Variants in GBP5 observed in about 807,000 individuals in gnomAD.
The protein encoded by GBP5 is guanylate binding protein 5, also known as guanylate-binding protein 5.
In GBP5, 48 loss-of-function variants were observed where a neutral mutation model predicts 58.2. The ratio of observed to expected loss-of-function variants is 0.83; its 90% CI spans 0.65 to 1.05. The LOEUF (loss-of-function observed/expected upper bound fraction) is 1.05. Ranked by LOEUF, GBP5 falls within the 50% of genes least tolerant of loss-of-function variation. GBP5 has a pLI of 0.00. For synonymous variants in GBP5, 248 were observed against 251.8 expected (o/e 0.98, Z 0.14); for missense variants, 714 against 686.8 (o/e 1.04, Z -0.44).
intron 7 of GBP5, among the ~76,000 whole-genome samples, chr1:89,265,176 A>C (rs902933037): frequency 2.6e-5 from 4 of 152,330 alleles, no homozygotes; most frequent in African/African-American, 9.6e-5. Context: ...AACTGTGTTC[A>C]AATAAGAAAA....
chr1:89,272,437 T>C lies in GBP5; in HGVS notation c.-128+15A>G, dbSNP rs1650495032. 1 of 164,938 alleles carries C rather than the reference T, an allele frequency of 6.1e-6. No individual in the cohort carries two copies. The highest frequency in any genetic ancestry group is 1.3e-5 in the Non-Finnish European group (1 of 78,436). The allele number at this position is 164,938 out of a possible 1,614,324, so 10.2% of individuals were successfully genotyped here. On this transcript the variant is annotated intron_variant, in intron 1 of 11. Transcript: ENST00000370459. The stretch of plus-strand genomic sequence containing the variant: ...GAATCTTGCAAATCTCTTCCACCTC[T>C]TGCCCCAGTCTTACCGTGTCCGGAA...
In GBP5 at chr1:89,264,749, G is replaced by A; in HGVS notation, c.1086C>T (p.Ala362=). 2 of 1,614,156 alleles carry A rather than the reference G, an allele frequency of 1.2e-6. No homozygotes were observed. Among genetic ancestry groups the A allele is most frequent in the Non-Finnish European group, 8.5e-7 (1 of 1,180,020 alleles). ...LDLHRTSERE[A]IEVFMKNSFK... ...AAGAGTTTTTCATGAAGACTTCAAT[G>A]GCCTCCCTCTCACTGGTCCTGTGCA... The change falls in exon 8 of 12, where the codon GCC becomes GCT. Residue 362 remains alanine (A), a synonymous_variant. Coordinates refer to ENST00000370459, the MANE Select transcript of GBP5 (RefSeq NM_052942.5).
At chr1:89,261,170 CAA>C (rs2100715408) in intron 11 of GBP5, among the ~76,000 whole-genome samples, 1 of 152,280 alleles carries the variant, frequency 6.6e-6, no homozygotes, top group South Asian at 2.1e-4. Flanking sequence ...GAGGCTGATA[CAA>C]AAACAGTGTA....
rs1333775615 is a variant in GBP5 at position 89,272,860 on chromosome 1, T to G, written c.-536A>C. The G allele has an allele frequency of 2.0e-5, 3 of 152,564 alleles. No individual in the cohort carries two copies. Among genetic ancestry groups the G allele is most frequent in the African/African-American group, 7.2e-5 (3 of 41,460 alleles). 9.5% of individuals were successfully genotyped at this position (152,564 alleles called of 1,614,324 possible). Reference sequence around the variant, plus strand: ...TCCACAGCCTGGAGGGTGACCTCAGTGGGTTGCCACTGCTGGCTACTTCTC... The same window carrying G: ...TCCACAGCCTGGAGGGTGACCTCAGGGGGTTGCCACTGCTGGCTACTTCTC... On this transcript the variant is annotated 5_prime_UTR_variant, in exon 1 of 12. Coordinates refer to ENST00000370459, the MANE Select transcript of GBP5 (RefSeq NM_052942.5).
chr1:89,263,477 A>G (rs1650088346), intron 9 of GBP5: 4 of 365,236 alleles, frequency 1.1e-5, no homozygotes, highest in Non-Finnish European at 1.5e-5. Flanking sequence ...ATGAATGTTG[A>G]TGGTCACAAA....
At position 89,263,742 on chromosome 1, in the gene GBP5, T is replaced by C; in HGVS notation, c.1356A>G (p.Gly452=). ...TAGGTAGAACTAGGGATACCTGTAT[T>C]CCTTTCCGAGGCTCCCGATAGTACT... ...KAKYYREPRK[G]IQAEEVLQKY... The change falls in exon 9 of 12, where the codon GGA becomes GGG. Residue 452 remains glycine (G), a synonymous_variant. Coordinates refer to ENST00000370459, the MANE Select transcript of GBP5 (RefSeq NM_052942.5). 2.5e-6 allele frequency: 4 copies of C among 1,608,108 alleles called. No individual in the cohort carries two copies. The highest frequency in any genetic ancestry group is 3.4e-6 in the Non-Finnish European group (4 of 1,174,740).
At chr1:89,264,245 C>T (rs1316266773) in intron 8 of GBP5, among the ~76,000 whole-genome samples, 1 of 152,138 alleles carries the variant, frequency 6.6e-6, no homozygotes, top group Non-Finnish European at 1.5e-5. Flanking sequence ...TACAACATTC[C>T]TTCCAGTATT....
At position 89,266,557 on chromosome 1, in the gene GBP5, C is replaced by A. The variant is rs2100594356; in HGVS notation, c.657G>T (p.Leu219Phe). 1.9e-6 allele frequency: 3 copies of A among 1,612,826 alleles called. No homozygotes were observed. Among genetic ancestry groups the A allele is most frequent in the East Asian group, 4.5e-5 (2 of 44,846 alleles). ...GSDQRVQNFN[L>F]PRLCIQKFFP... is the part of the protein sequence containing the mutation. Reference sequence around the variant, plus strand: ...AGAACTTCTGTATACACAGACGGGGCAAATTGAAATTTTGAACTCTTTGAT... The same window carrying A: ...AGAACTTCTGTATACACAGACGGGGAAAATTGAAATTTTGAACTCTTTGAT... The change falls in exon 7 of 12, where the codon TTG (leucine) becomes TTT (phenylalanine). Residue 219 changes from leucine to phenylalanine, a missense_variant. Transcript: ENST00000370459.
rs1201264136 is a variant in GBP5, at chr1:89,266,408, G to A, written c.806C>T (p.Ser269Phe). 1.9e-6 allele frequency: 3 copies of A among 1,613,782 alleles called. No individual in the cohort carries two copies. The highest frequency in any genetic ancestry group is 2.5e-6 in the Non-Finnish European group (3 of 1,179,686). Residue 269 changes from serine (S) to phenylalanine (F), a missense_variant, in exon 7 of 12, where the codon TCC (serine) becomes TTC (phenylalanine). Physicochemically the swap from Ser to Phe is radical, Grantham distance 155 (BLOSUM62 -2). Transcript: ENST00000370459. ...EFVQQVTEFC[S>F]YIFSHSMTKT... ...GGTCATAGAATGGCTAAAGATGTAG[G>A]AACAGAATTCTGTCACTTGTTGCAC...
intron 3 of GBP5, 46 bp from the exon 4 acceptor site, chr1:89,268,902 A>G: frequency 3.1e-6 from 5 of 1,596,580 alleles, no homozygotes; most frequent in Non-Finnish European, 4.3e-6. Context: ...AACTCTGGAA[A>G]TTGGGGATTT....
chr1:89,268,273 G>GC (rs1402281135), intron 4 of GBP5, among the ~76,000 whole-genome samples: 1 of 152,154 alleles, frequency 6.6e-6, no homozygotes, highest in East Asian at 1.9e-4. Flanking sequence ...ACTAGGAAAG[G>GC]CCCATGTATC....
chr1:89,264,515 G>C (rs539821510), intron 8 of GBP5, among the ~76,000 whole-genome samples, 171 bp downstream of exon 8: 1 of 152,180 alleles, frequency 6.6e-6, no homozygotes, highest in African/African-American at 2.4e-5. Flanking sequence ...ACAAGGTCCA[G>C]AGTAATTACA....
rs1040524100 is a variant in GBP5 at position 89,258,467 on chromosome 1, G to C, written c.*2237C>G. On this transcript the variant is annotated 3_prime_UTR_variant, in exon 12 of 12. Transcript: ENST00000370459. The stretch of plus-strand genomic sequence containing the variant: ...GCACAGCTTGAAAAGGTAATTGTAG[G>C]GTATTGCTAGACAAATGCTCAGTTG... 1.3e-5 allele frequency among the ~76,000 whole-genome samples: 2 copies of C among 151,872 alleles called. No individual in the cohort carries two copies. Among genetic ancestry groups the C allele is most frequent in the African/African-American group, 4.8e-5 (2 of 41,336 alleles).
At chr1:89,260,942 C>T (rs1649987385) in intron 11 of GBP5, 125 bp from the exon 12 acceptor site, 9 of 654,222 alleles carry the variant, frequency 1.4e-5, no homozygotes, top group South Asian at 3.6e-5. Context: ...CTTCCATTCA[C>T]GTGCATCTAA....
intron 9 of GBP5, chr1:89,263,000 C>T (rs1650072450): frequency 2.5e-6 from 1 of 395,218 alleles, no homozygotes; most frequent in African/African-American, 2.1e-5. Flanking sequence ...AACACCTGCT[C>T]CTGTCACAAG....
chr1:89,266,940 A>G lies in GBP5; in HGVS notation c.625+17T>C. ...TTACTTTTTTAAAAATCTTTCTAAAACTGAAGTCCCTGTTACCTTGCTTTG... is the reference window on the plus strand; with the variant it reads ...TTACTTTTTTAAAAATCTTTCTAAAGCTGAAGTCCCTGTTACCTTGCTTTG... On this transcript the variant is annotated intron_variant, in intron 6 of 11. Coordinates refer to ENST00000370459, the MANE Select transcript of GBP5 (RefSeq NM_052942.5). The G allele has an allele frequency of 6.5e-7, 1 of 1,544,042 alleles. No homozygotes were observed. Among genetic ancestry groups the G allele is most frequent in the South Asian group, 1.3e-5 (1 of 78,492 alleles).
At position 89,269,566 on chromosome 1, in the gene GBP5, T is replaced by C; in HGVS notation, c.-11A>G. Reference sequence around the variant, plus strand: ...GATCTCTAAAGCCATGTCTAGGATGTTACTTTGCCTGCAAGGGAACAGATG... The same window carrying C: ...GATCTCTAAAGCCATGTCTAGGATGCTACTTTGCCTGCAAGGGAACAGATG... On this transcript the variant is annotated 5_prime_UTR_variant, in exon 3 of 12. Coordinates refer to ENST00000370459, the MANE Select transcript of GBP5 (RefSeq NM_052942.5). The C allele has an allele frequency of 2.5e-6, 4 of 1,602,428 alleles. No homozygotes were observed. Among genetic ancestry groups the C allele is most frequent in the African/African-American group, 1.3e-5 (1 of 74,856 alleles).
intron 8 of GBP5, 104 bp downstream of exon 8, chr1:89,264,582 T>C: frequency 1.0e-6 from 1 of 968,820 alleles, no homozygotes; most frequent in East Asian, 2.5e-5. Context: ...ATTATTATTT[T>C]CCAATCTAGT....
intron 3 of GBP5, 56 bp downstream of exon 3, chr1:89,269,310 T>G: frequency 6.5e-7 from 1 of 1,533,640 alleles, no homozygotes. Context: ...TCGTACTGGA[T>G]GGTGACTGTG....
Sources: allele counts gnomAD v4.1 joint callset (sites outside exome capture counted in the v4.1 genomes callset), GRCh38; gene constraint gnomAD v4.1.1; transcripts MANE v1.5; gene names NCBI Gene and HGNC (gene_info 2026-07-23, HGNC 2026-07-21).